Variants in STAMBPL1 observed in about 807,000 individuals in gnomAD.
STAMBPL1 encodes the protein AMSH-like protease.
A neutral mutation model predicts 52.9 loss-of-function variants in STAMBPL1; 44 were observed. The ratio of observed to expected loss-of-function variants is 0.83; its 90% CI spans 0.65 to 1.07. STAMBPL1 has a LOEUF of 1.07. STAMBPL1 is among the 50% of genes least tolerant of loss of function. The pLI, the probability that STAMBPL1 is intolerant of heterozygous loss-of-function variation, is 0.00. For missense variants in STAMBPL1, 511 were observed against 520.8 expected (o/e 0.98, Z 0.18); for synonymous variants, 164 against 177.3 (o/e 0.92, Z 0.60).
chr10:88,910,810 G>A (rs1260481584), intron 4 of STAMBPL1, 106 bp from the exon 5 acceptor site: 3 of 687,124 alleles, frequency 4.4e-6, no homozygotes, highest in South Asian at 4.0e-5. Context: ...GGTTACTCAT[G>A]ACTTTATTTG....
chr10:88,907,071 C>T (rs1845093854), intron 3 of STAMBPL1, among the ~76,000 whole-genome samples: 1 of 152,138 alleles, frequency 6.6e-6, no homozygotes, highest in African/African-American at 2.4e-5. Flanking sequence ...CTCTGCCCCC[C>T]TGTGAATTCA....
chr10:88,892,114 A>G (rs1844699599), intron 1 of STAMBPL1, among the ~76,000 whole-genome samples: 1 of 152,188 alleles, frequency 6.6e-6, no homozygotes, highest in African/African-American at 2.4e-5. Context: ...AGGAGAAAGG[A>G]AACACCTCCA....
At chr10:88,923,146 A>C (rs768505551) in intron 10 of STAMBPL1, 22 bp from the exon 11 acceptor site, 75 of 1,586,734 alleles carry the variant, frequency 4.7e-5, no homozygotes, top group Non-Finnish European at 6.3e-5. Flanking sequence ...ACATATGGTA[A>C]AACCAATTTT....
intron 1 of STAMBPL1, among the ~76,000 whole-genome samples, chr10:88,896,875 CTATTT>C (rs1027637023): frequency 6.6e-6 from 1 of 151,978 alleles, no homozygotes; most frequent in Non-Finnish European, 1.5e-5. Context: ...CACACACACA[CTATTT>C]TAAGAAAAAG....
At chr10:88,902,003 G>A (rs762624657) in intron 2 of STAMBPL1, among the ~76,000 whole-genome samples, 18 of 152,116 alleles carry the variant, frequency 1.2e-4, no homozygotes, top group African/African-American at 9.7e-5. Flanking sequence ...GCAAAACACC[G>A]GAGAGAAGAA....
At chr10:88,894,233 C>A (rs1032235840) in intron 1 of STAMBPL1, among the ~76,000 whole-genome samples, 4 of 152,058 alleles carry the variant, frequency 2.6e-5, no homozygotes, top group Non-Finnish European at 4.4e-5. Flanking sequence ...ATGTTCTAAC[C>A]CTGGAGACTG....
At chr10:88,901,782 A>G (rs1430335554) in intron 2 of STAMBPL1, 44 bp downstream of exon 2, 2 of 1,583,842 alleles carry the variant, frequency 1.3e-6, no homozygotes, top group East Asian at 2.2e-5. Flanking sequence ...TGGAAAGCCC[A>G]AAAAGAAGAA....
chr10:88,913,136 G>A lies in STAMBPL1; in HGVS notation c.456G>A (p.Glu152=), dbSNP rs1845268312. The A allele has an allele frequency of 1.9e-6, 3 of 1,606,130 alleles. No homozygotes were observed. The highest frequency in any genetic ancestry group is 4.5e-5 in the East Asian group (2 of 44,784). Reference sequence around the variant, plus strand: ...AAGCTGAAATTCTCAAAAAATTGGAGCATCAGAGATTGATAGAGGCAGAAA... The same window carrying A: ...AAGCTGAAATTCTCAAAAAATTGGAACATCAGAGATTGATAGAGGCAGAAA... ...KYKAEILKKL[E]HQRLIEAERK... is the part of the protein sequence containing the mutation. The change falls in exon 6 of 11, where the codon GAG becomes GAA. Residue 152 remains glutamate (E), a synonymous_variant. Coordinates refer to ENST00000371926, the MANE Select transcript of STAMBPL1 (RefSeq NM_020799.4).
intron 1 of STAMBPL1, among the ~76,000 whole-genome samples, chr10:88,892,620 CT>C (rs1844717112): frequency 6.6e-6 from 1 of 152,178 alleles, no homozygotes; most frequent in African/African-American, 2.4e-5. Flanking sequence ...AAGAAGGAAA[CT>C]TTTTTCTGTT....
chr10:88,921,208 G>GT, intron 8 of STAMBPL1, 75 bp from the exon 9 acceptor site: 1 of 1,185,152 alleles, frequency 8.4e-7, no homozygotes, highest in Non-Finnish European at 1.2e-6. Flanking sequence ...AAAAAACAGA[G>GT]TTTTCTATTA....
chr10:88,899,310 A>G (rs1380781690), intron 1 of STAMBPL1, among the ~76,000 whole-genome samples: 1 of 152,108 alleles, frequency 6.6e-6, no homozygotes, highest in Non-Finnish European at 1.5e-5. Context: ...ATCTGACAAT[A>G]CCTACTTGTG....
chr10:88,913,602 C>A, intron 6 of STAMBPL1, 144 bp downstream of exon 6: 1 of 686,716 alleles, frequency 1.5e-6, no homozygotes, highest in Non-Finnish European at 2.4e-6. Context: ...AAGAATTAAC[C>A]TTTCAATACT....
At chr10:88,893,396 CTACA>C (rs1263470513) in intron 1 of STAMBPL1, among the ~76,000 whole-genome samples, 2 of 152,170 alleles carry the variant, frequency 1.3e-5, no homozygotes, top group Non-Finnish European at 2.9e-5. Flanking sequence ...AATTTCTTAA[CTACA>C]TATACCATGT....
chr10:88,884,793 A>G (rs960411037), intron 1 of STAMBPL1, among the ~76,000 whole-genome samples: 5 of 152,180 alleles, frequency 3.3e-5, no homozygotes, highest in African/African-American at 1.2e-4. Context: ...CCTTAACACA[A>G]GTTTATCTCA....
intron 4 of STAMBPL1, among the ~76,000 whole-genome samples, chr10:88,910,468 G>C (rs1845192656): frequency 6.6e-6 from 1 of 152,100 alleles, no homozygotes; most frequent in East Asian, 1.9e-4. Flanking sequence ...TTTATAAAAA[G>C]TGCCTCAGCT....
chr10:88,909,447 A>C (rs1845160291), intron 4 of STAMBPL1, among the ~76,000 whole-genome samples: 1 of 152,190 alleles, frequency 6.6e-6, no homozygotes, highest in African/African-American at 2.4e-5. Flanking sequence ...GGAAGATAAA[A>C]TCATGTACAC....
chr10:88,902,578 T>C (rs1002202242), intron 2 of STAMBPL1, among the ~76,000 whole-genome samples: 1 of 150,250 alleles, frequency 6.7e-6, no homozygotes, highest in African/African-American at 2.4e-5. Flanking sequence ...TGTTTTTTCT[T>C]TTTTTTTTTG....
At chr10:88,909,887 C>T (rs1309014915) in intron 4 of STAMBPL1, among the ~76,000 whole-genome samples, 1 of 152,170 alleles carries the variant, frequency 6.6e-6, no homozygotes, top group African/African-American at 2.4e-5. Context: ...AGGTGTGAGC[C>T]ACCGCACCCA....
intron 2 of STAMBPL1, among the ~76,000 whole-genome samples, chr10:88,905,064 A>G (rs999173868): frequency 6.6e-6 from 1 of 152,170 alleles, no homozygotes; most frequent in African/African-American, 2.4e-5. Flanking sequence ...TGAACCCTAC[A>G]ATGGCAGGAA....
Sources: allele counts gnomAD v4.1 joint callset (sites outside exome capture counted in the v4.1 genomes callset), GRCh38; gene constraint gnomAD v4.1.1; transcripts MANE v1.5; gene names NCBI Gene and HGNC (gene_info 2026-07-23, HGNC 2026-07-21).